Variants in RPS6KC1 observed in about 807,000 individuals in gnomAD.
RPS6KC1 encodes the protein ribosomal protein S6 kinase C1.
Under a neutral mutation model 103.8 loss-of-function variants are expected in RPS6KC1, and 54 were observed. The observed-to-expected ratio is 0.52, with a 90% confidence interval of 0.42 to 0.65. The LOEUF (loss-of-function observed/expected upper bound fraction) is 0.65, where lower values mean the gene tolerates loss of function less well. Among genes scored for constraint, RPS6KC1 ranks in the 30% least tolerant of loss-of-function variants. RPS6KC1 has a pLI of 0.00. For synonymous variants in RPS6KC1, 439 were observed against 438.7 expected (o/e 1.00, Z -0.01); for missense variants, 1,151 against 1,253.8 (o/e 0.92, Z 1.24).
the RPS6KC1 span, among the ~76,000 whole-genome samples, chr1:213,795,108 T>C: frequency 6.6e-6 from 1 of 152,240 alleles, no homozygotes; most frequent in Non-Finnish European, 1.5e-5. Context: ...TCTGTGCTTA[T>C]TTTGATATTC....
At chr1:213,409,748 C>G in the RPS6KC1 span, among the ~76,000 whole-genome samples, 1 of 152,190 alleles carries the variant, frequency 6.6e-6, no homozygotes, top group East Asian at 1.9e-4. Context: ...AGGGCTGGAT[C>G]TGTCATGTTC....
chr1:213,197,523 AGTAT>A (rs3056229), intron 8 of RPS6KC1, among the ~76,000 whole-genome samples: 26,173 of 150,532 alleles, frequency 0.17, 4,235 homozygotes, highest in African/African-American at 0.44. Flanking sequence ...TGTATTCCTA[AGTAT>A]GTATGTATGT....
the RPS6KC1 span, among the ~76,000 whole-genome samples, chr1:213,733,333 G>A: frequency 3.3e-5 from 5 of 150,676 alleles, no homozygotes; most frequent in Admixed American, 6.6e-5. Flanking sequence ...TTGACCTCCC[G>A]GGCTCAAGTT....
the RPS6KC1 span, among the ~76,000 whole-genome samples, chr1:213,670,699 A>G: frequency 1.3e-5 from 2 of 152,080 alleles, no homozygotes; most frequent in African/African-American, 4.8e-5. Flanking sequence ...CTGACCTGGA[A>G]GCTGCAAAGT....
intron 3 of RPS6KC1, among the ~76,000 whole-genome samples, chr1:213,086,460 T>A (rs2080411159): frequency 6.6e-6 from 1 of 152,200 alleles, no homozygotes; most frequent in Non-Finnish European, 1.5e-5. Flanking sequence ...CCACATTGCC[T>A]CCAATGAGAT....
the RPS6KC1 span, among the ~76,000 whole-genome samples, chr1:213,506,581 A>T: frequency 6.6e-6 from 1 of 152,140 alleles, no homozygotes; most frequent in African/African-American, 2.4e-5. Flanking sequence ...TGACTTGTGC[A>T]TGTGAGTCAC....
the RPS6KC1 span, among the ~76,000 whole-genome samples, chr1:213,482,755 G>T: frequency 6.6e-5 from 10 of 151,866 alleles, no homozygotes; most frequent in Non-Finnish European, 1.5e-4. Flanking sequence ...CACCATGTTG[G>T]CCAGGGTGGT....
the RPS6KC1 span, among the ~76,000 whole-genome samples, chr1:213,803,339 C>T: frequency 2.6e-5 from 4 of 151,120 alleles, no homozygotes; most frequent in South Asian, 2.1e-4. Context: ...CTCTGCCTCC[C>T]GCGTTCAAGT....
At chr1:213,527,029 A>G in the RPS6KC1 span, among the ~76,000 whole-genome samples, 5,463 of 152,304 alleles carry the variant, frequency 0.036, 215 homozygotes, top group Non-Finnish European at 0.046. Context: ...TCAGAAAGGG[A>G]TGCCTTGGGC....
the RPS6KC1 span, among the ~76,000 whole-genome samples, chr1:213,303,120 G>A: frequency 6.6e-6 from 1 of 152,194 alleles, no homozygotes; most frequent in Non-Finnish European, 1.5e-5. Context: ...AGCGTCTGGT[G>A]TATGCTGGCT....
chr1:213,800,574 C>T, the RPS6KC1 span, among the ~76,000 whole-genome samples: 7 of 152,080 alleles, frequency 4.6e-5, no homozygotes, highest in Non-Finnish European at 1.0e-4. Flanking sequence ...AAGTCACAAC[C>T]TCACTGTGCT....
the RPS6KC1 span, among the ~76,000 whole-genome samples, chr1:213,715,255 G>A: frequency 6.6e-6 from 1 of 152,152 alleles, no homozygotes; most frequent in African/African-American, 2.4e-5. Flanking sequence ...GTTTTTATAA[G>A]GATGGCAAAT....
the RPS6KC1 span, among the ~76,000 whole-genome samples, chr1:213,518,322 G>A: frequency 9.8e-5 from 15 of 152,290 alleles, no homozygotes; most frequent in Non-Finnish European, 1.6e-4. Flanking sequence ...TGATTATCCA[G>A]TTGGTTCTAA....
chr1:213,297,845 A>G, the RPS6KC1 span, among the ~76,000 whole-genome samples: 1 of 151,914 alleles, frequency 6.6e-6, no homozygotes, highest in Non-Finnish European at 1.5e-5. Flanking sequence ...CTAGTCTCAA[A>G]CTCCTGGCCT....
chr1:213,068,197 T>G (rs2078502191), intron 1 of RPS6KC1, among the ~76,000 whole-genome samples: 1 of 152,012 alleles, frequency 6.6e-6, no homozygotes, highest in Non-Finnish European at 1.5e-5. Context: ...CATAAAAATG[T>G]AAGAACGGCG....
chr1:213,214,715 T>C (rs2093612483), intron 8 of RPS6KC1, among the ~76,000 whole-genome samples: 1 of 152,160 alleles, frequency 6.6e-6, no homozygotes, highest in South Asian at 2.1e-4. Flanking sequence ...ATTGGCTGTT[T>C]AGCAATATTC....
At chr1:213,322,740 CTTCT>C in the RPS6KC1 span, among the ~76,000 whole-genome samples, 1 of 151,740 alleles carries the variant, frequency 6.6e-6, no homozygotes, top group South Asian at 2.1e-4. Flanking sequence ...CTTTCTCCTT[CTTCT>C]TTATTTTTTA....
chr1:213,315,843 A>G, the RPS6KC1 span, among the ~76,000 whole-genome samples: 1 of 151,932 alleles, frequency 6.6e-6, no homozygotes, highest in Admixed American at 6.6e-5. Context: ...TGAATTTAAA[A>G]CTCTATTCCT....
the RPS6KC1 span, among the ~76,000 whole-genome samples, chr1:213,763,889 T>C: frequency 6.6e-6 from 1 of 152,222 alleles, no homozygotes; most frequent in Non-Finnish European, 1.5e-5. Context: ...GCTTTATTTA[T>C]GTGAATTTTA....
Sources: allele counts gnomAD v4.1 joint callset (sites outside exome capture counted in the v4.1 genomes callset), GRCh38; gene constraint gnomAD v4.1.1; transcripts MANE v1.5; gene names NCBI Gene and HGNC (gene_info 2026-07-23, HGNC 2026-07-21).